ALDH16A1: variants seen among roughly 807,000 people sequenced by gnomAD.
ALDH16A1 encodes aldehyde dehydrogenase family 16 member A1.
Under a neutral mutation model 96.1 loss-of-function variants are expected in ALDH16A1, and 88 were observed. The observed-to-expected ratio is 0.92, with a 90% CI of 0.77 to 1.09. ALDH16A1 has a LOEUF of 1.09. Among genes scored for constraint, ALDH16A1 ranks in the 50% least tolerant of loss-of-function variants. ALDH16A1 has a pLI of 0.00. For missense variants in ALDH16A1, 1,250 were observed against 1,112.6 expected (o/e 1.12, Z -1.76); for synonymous variants, 522 against 496.4 (o/e 1.05, Z -0.69).
intron 12 of ALDH16A1, among the ~76,000 whole-genome samples, chr19:49,465,523 A>C (rs923575202): frequency 6.8e-6 from 1 of 148,122 alleles, no homozygotes; most frequent in African/African-American, 2.5e-5. Flanking sequence ...GGAGCAGTTT[A>C]AGGTCCCCCA....
chr19:49,468,913 A>C lies in ALDH16A1; in HGVS notation c.2174A>C (p.Asp725Ala). Residue 725 changes from aspartate to alanine, a missense_variant, in exon 16 of 17, where the codon GAC (aspartate) becomes GCC (alanine). Transcript: ENST00000293350. This position sits in a 1 kb window ranked among gnomAD's most constrained non-coding sequence, Gnocchi z 4.4. ...PAGLANVVTG[D>A]RDHLTRCLAL... is the part of the protein sequence containing the mutation. ...GGCCTGGCCAACGTGGTGACAGGAGACCGGGACCATCTGACCCGCTGCCTG... is the reference window on the plus strand; with the variant it reads ...GGCCTGGCCAACGTGGTGACAGGAGCCCGGGACCATCTGACCCGCTGCCTG... 1 of 1,613,948 alleles carries C rather than the reference A, an allele frequency of 6.2e-7. No homozygotes were observed. The highest frequency in any genetic ancestry group is 8.5e-7 in the Non-Finnish European group (1 of 1,179,998).
intron 1 of ALDH16A1, among the ~76,000 whole-genome samples, chr19:49,458,072 A>G (rs575507773): frequency 6.6e-6 from 1 of 152,012 alleles, no homozygotes; most frequent in South Asian, 2.1e-4. Context: ...AAACAAAACT[A>G]GCCGCATGTG....
intron 16 of ALDH16A1, 168 bp from the exon 17 acceptor site, chr19:49,470,138 C>A: frequency 1.3e-6 from 1 of 784,296 alleles, no homozygotes; most frequent in South Asian, 1.8e-5. Flanking sequence ...GGGTCCAGTG[C>A]TTTTCCCTAC....
At chr19:49,454,894 G>A (rs1282078785) in intron 1 of ALDH16A1, among the ~76,000 whole-genome samples, 2 of 152,060 alleles carry the variant, frequency 1.3e-5, no homozygotes, top group African/African-American at 2.4e-5. Flanking sequence ...CTAGGTGGGC[G>A]GATCACCTGA....
At chr19:49,453,485 C>T in intron 1 of ALDH16A1, 64 bp downstream of exon 1, 2 of 1,415,516 alleles carry the variant, frequency 1.4e-6, no homozygotes, top group Non-Finnish European at 9.5e-7. Flanking sequence ...CGGTTTTTCG[C>T]GGGGAGTCCC....
rs1242488735 is a variant in ALDH16A1 at position 49,459,711 on chromosome 19, C to T, written c.362C>T (p.Thr121Ile). 3 of 1,612,536 alleles carry T rather than the reference C, an allele frequency of 1.9e-6. No individual in the cohort carries two copies. Among genetic ancestry groups the T allele is most frequent in the Non-Finnish European group, 2.5e-6 (3 of 1,179,574 alleles). The change falls in exon 4 of 17, where the codon ACC becomes ATC. Residue 121 changes from threonine (T) to isoleucine (I), a missense_variant. Thr to Ile is a moderately conservative substitution (Grantham distance 89). Coordinates refer to ENST00000293350, the MANE Select transcript of ALDH16A1 (RefSeq NM_153329.4). This position sits in a 1 kb window ranked among gnomAD's most constrained non-coding sequence, Gnocchi z 4.1. The part of the protein sequence containing the change: ...VIQKHQRLLW[T>I]LESLVTGRAV... ...CAGAAGCACCAGCGGCTGCTGTGGA[C>T]CCTGGAATCCCTGGTGACTGGGCGG...
chr19:49,455,436 A>G (rs1226661493), intron 1 of ALDH16A1, among the ~76,000 whole-genome samples: 2 of 151,430 alleles, frequency 1.3e-5, no homozygotes, highest in Non-Finnish European at 2.9e-5. Flanking sequence ...AAAAAAAAAA[A>G]AAGGAAACAG....
In ALDH16A1 at chr19:49,463,930, C is replaced by T. The variant is rs752343936; in HGVS notation, c.1175C>T (p.Ser392Phe). The T allele has an allele frequency of 7.4e-6, 12 of 1,611,100 alleles. No homozygotes were observed. Among genetic ancestry groups the T allele is most frequent in the Non-Finnish European group, 8.5e-6 (10 of 1,178,420 alleles). The change falls in exon 9 of 17, where the codon TCC (serine) becomes TTC (phenylalanine). Residue 392 changes from serine to phenylalanine, a missense_variant. Physicochemically the swap from Ser to Phe is radical, Grantham distance 155. Coordinates refer to ENST00000293350, the MANE Select transcript of ALDH16A1 (RefSeq NM_153329.4). ...PTLVSNLPPA[S>F]PCAQVEVPWP... is the part of the protein sequence containing the mutation. The stretch of plus-strand genomic sequence containing the variant: ...TTGGTCTCCAACCTGCCCCCAGCCT[C>T]CCCATGTGCCCAGGTGGAGGTGAGA...
intron 12 of ALDH16A1, 87 bp downstream of exon 12, chr19:49,464,849 C>T (rs912720356): frequency 9.1e-5 from 143 of 1,580,042 alleles, no homozygotes; most frequent in South Asian, 1.4e-4. Flanking sequence ...AGGGCTGGCG[C>T]GAGGTCCATC....
At chr19:49,460,732 T>TACA in intron 4 of ALDH16A1, 90 bp from the exon 5 acceptor site, 2 of 848,782 alleles carry the variant, frequency 2.4e-6, no homozygotes, top group African/African-American at 1.8e-5. Context: ...TTTTTTTTCC[T>TACA]AATGTAGCCA....
At chr19:49,470,114 A>G (rs746830753) in intron 16 of ALDH16A1, 192 bp from the exon 17 acceptor site, 6 of 642,194 alleles carry the variant, frequency 9.3e-6, no homozygotes, top group South Asian at 2.0e-5. Flanking sequence ...GGGAGAGGAA[A>G]TTCCCTAACC....
chr19:49,466,184 G>T lies in ALDH16A1; in HGVS notation c.1839G>T (p.Gln613His). The T allele has an allele frequency of 6.4e-7, 1 of 1,555,772 alleles. No homozygotes were observed. The highest frequency in any genetic ancestry group is 8.7e-7 in the Non-Finnish European group (1 of 1,152,266). The change falls in exon 14 of 17, where the codon CAG (glutamine) becomes CAT (histidine). Residue 613 changes from glutamine to histidine, a missense_variant. Physicochemically the swap from Gln to His is conservative, Grantham distance 24. Transcript: ENST00000293350. Reference protein sequence around the residue: ...KSTLASRLERQGAELKAAEAE... With the variant: ...KSTLASRLERHGAELKAAEAE... ...CCCTGGCCTCGAGGCTGGAGAGGCAGGGAGCGGAGCTCAAGGCTGCGGAGG... is the reference window on the plus strand; with the variant it reads ...CCCTGGCCTCGAGGCTGGAGAGGCATGGAGCGGAGCTCAAGGCTGCGGAGG...
At chr19:49,457,285 C>T (rs2079110122) in intron 1 of ALDH16A1, among the ~76,000 whole-genome samples, 5 of 151,146 alleles carry the variant, frequency 3.3e-5, no homozygotes, top group Admixed American at 2.6e-4. Context: ...CAGTGGCTCA[C>T]GCCTGTAATC....
Position 49,459,265 on chromosome 19 carries a change from T to G in ALDH16A1, c.320+179T>G, listed in dbSNP as rs1601021231. Among the ~76,000 whole-genome samples the G allele has an allele frequency of 6.6e-6, 1 of 152,222 alleles. No individual in the cohort carries two copies. The highest frequency in any genetic ancestry group is 2.4e-5 in the African/African-American group (1 of 41,458). ...CATGCATCCGTTGTCCACTATTCAC[T>G]GGGACTAGAAGCCACAAAGCCTCTA... is the stretch of plus-strand genomic sequence containing the variant. On this transcript the variant is annotated intron_variant, in intron 3 of 16. Coordinates refer to ENST00000293350, the MANE Select transcript of ALDH16A1 (RefSeq NM_153329.4). The surrounding 1 kb of genome is among the most constrained non-coding windows in gnomAD (Gnocchi z 4.1).
chr19:49,464,867 T>C, intron 12 of ALDH16A1, 105 bp downstream of exon 12: 2 of 1,543,470 alleles, frequency 1.3e-6, no homozygotes, highest in Non-Finnish European at 1.8e-6. Flanking sequence ...ATCCAAACCA[T>C]CTCTTAGTCC....
chr19:49,470,217 C>G, intron 16 of ALDH16A1, 89 bp from the exon 17 acceptor site: 1 of 1,506,316 alleles, frequency 6.6e-7, no homozygotes, highest in South Asian at 1.2e-5. Flanking sequence ...CCTGAAGCCC[C>G]TCGTCAGTAA....
chr19:49,453,476 G>T, intron 1 of ALDH16A1, 55 bp downstream of exon 1: 1 of 1,459,284 alleles, frequency 6.9e-7, no homozygotes, highest in Non-Finnish European at 9.2e-7. Flanking sequence ...CTGGGCGCCC[G>T]GTTTTTCGCG....
Position 49,462,774 on chromosome 19 carries a change from A to G in ALDH16A1, c.1098+19A>G. On this transcript the variant is annotated intron_variant, in intron 8 of 16. Coordinates refer to ENST00000293350, the MANE Select transcript of ALDH16A1 (RefSeq NM_153329.4). Reference sequence around the variant, plus strand: ...TGCACAGGTGAGGCAGGGGGTAGAGACTTGAGGGTGTCAGGGGAGGAGGGG... The same window carrying G: ...TGCACAGGTGAGGCAGGGGGTAGAGGCTTGAGGGTGTCAGGGGAGGAGGGG... 4 of 1,539,114 alleles carry G rather than the reference A, an allele frequency of 2.6e-6. No homozygotes were observed. Among genetic ancestry groups the G allele is most frequent in the Non-Finnish European group, 3.5e-6 (4 of 1,145,128 alleles).
intron 1 of ALDH16A1, among the ~76,000 whole-genome samples, chr19:49,457,391 CA>C (rs1244108789): frequency 5.3e-5 from 8 of 150,696 alleles, no homozygotes; most frequent in Admixed American, 5.3e-4. Flanking sequence ...ACTAAAAATA[CA>C]AAAAAATTAG....
Sources: allele counts gnomAD v4.1 joint callset (sites outside exome capture counted in the v4.1 genomes callset), GRCh38; gene constraint gnomAD v4.1.1; non-coding constraint Gnocchi (gnomAD v3.1); transcripts MANE v1.5; gene names NCBI Gene and HGNC (gene_info 2026-07-23, HGNC 2026-07-21).